The following LSAMP variants were observed in gnomAD, a reference collection of about 807,000 sequenced individuals.
LSAMP encodes limbic system associated membrane protein.
Under a neutral mutation model 38.6 loss-of-function variants are expected in LSAMP, and 7 were observed. That is an observed-to-expected ratio of 0.18 (90% CI 0.10 to 0.34). LSAMP has a LOEUF of 0.34. Among genes scored for constraint, LSAMP ranks in the 10% least tolerant of loss-of-function variants. The probability of loss-of-function intolerance (pLI) is 1.00; values close to 1 mark genes in which losing one functional copy is unlikely to be tolerated. For synonymous variants in LSAMP, 154 were observed against 166.8 expected (o/e 0.92, Z 0.59); for missense variants, 313 against 420.0 (o/e 0.75, Z 2.23).
intron 3 of LSAMP, among the ~76,000 whole-genome samples, chr3:115,964,952 T>A (rs535061949): frequency 1.6e-4 from 24 of 152,248 alleles, no homozygotes; most frequent in Middle Eastern, 6.8e-3. Context: ...TATTAAGATA[T>A]CAGTTATTCT....
At chr3:116,088,031 T>A (rs1708031556) in intron 1 of LSAMP, among the ~76,000 whole-genome samples, 1 of 151,392 alleles carries the variant, frequency 6.6e-6, no homozygotes, top group African/African-American at 2.4e-5. Flanking sequence ...GTAGCTAGGA[T>A]GATAGGTGCA....
intron 1 of LSAMP, among the ~76,000 whole-genome samples, chr3:116,199,010 G>C (rs2045952147): frequency 6.6e-6 from 1 of 152,074 alleles, no homozygotes; most frequent in African/African-American, 2.4e-5. Context: ...CTTGAGCCTG[G>C]GAGGTCCAGG....
chr3:116,406,371 G>A (rs891327776), intron 1 of LSAMP, among the ~76,000 whole-genome samples: 2 of 151,976 alleles, frequency 1.3e-5, no homozygotes, highest in Admixed American at 6.6e-5. Context: ...AATAAGCAGC[G>A]TTAAAGCTTT....
chr3:116,197,880 TA>T (rs2045924278), intron 1 of LSAMP, among the ~76,000 whole-genome samples: 2 of 152,242 alleles, frequency 1.3e-5, no homozygotes, highest in African/African-American at 4.8e-5. Flanking sequence ...TAGTATTGTT[TA>T]TATAGATATT....
At chr3:115,839,331 T>G (rs1260822640) in intron 6 of LSAMP, among the ~76,000 whole-genome samples, 10 of 148,076 alleles carry the variant, frequency 6.8e-5, no homozygotes, top group Non-Finnish European at 1.5e-5. Flanking sequence ...TTTTCCTTGC[T>G]TTTATCTCCC....
At chr3:116,098,661 C>T (rs1313828546) in intron 1 of LSAMP, among the ~76,000 whole-genome samples, 1 of 152,120 alleles carries the variant, frequency 6.6e-6, no homozygotes, top group Non-Finnish European at 1.5e-5. Context: ...TTATTTTCTT[C>T]AGCTTTGTCT....
At chr3:116,074,767 T>C (rs1051554023) in intron 2 of LSAMP, among the ~76,000 whole-genome samples, 1 of 152,180 alleles carries the variant, frequency 6.6e-6, no homozygotes, top group Admixed American at 6.6e-5. Flanking sequence ...TAATTTTCCA[T>C]GTTTGCCATT....
At chr3:116,197,742 A>T (rs1049288051) in intron 1 of LSAMP, among the ~76,000 whole-genome samples, 4 of 152,132 alleles carry the variant, frequency 2.6e-5, no homozygotes, top group Non-Finnish European at 5.9e-5. Context: ...CCGTATTTTT[A>T]TTTTACAGAT....
intron 3 of LSAMP, among the ~76,000 whole-genome samples, chr3:115,978,349 T>C (rs1939251443): frequency 6.6e-6 from 1 of 152,056 alleles, no homozygotes; most frequent in African/African-American, 2.4e-5. Context: ...AGGGCAGACA[T>C]GATAATCCTC....
intron 1 of LSAMP, among the ~76,000 whole-genome samples, chr3:116,293,485 GA>G (rs755317584): frequency 6.6e-6 from 1 of 152,106 alleles, no homozygotes; most frequent in Non-Finnish European, 1.5e-5. Flanking sequence ...TGGGGGTTAA[GA>G]AATACTGTAT....
intron 1 of LSAMP, among the ~76,000 whole-genome samples, chr3:116,337,667 G>A (rs2047938787): frequency 6.6e-6 from 1 of 151,930 alleles, no homozygotes; most frequent in African/African-American, 2.4e-5. Context: ...GACCCTCTTA[G>A]TGCCCCTGGG....
At chr3:116,066,247 G>A (rs1707425750) in intron 2 of LSAMP, among the ~76,000 whole-genome samples, 1 of 152,152 alleles carries the variant, frequency 6.6e-6, no homozygotes, top group Non-Finnish European at 1.5e-5. Context: ...ATAAGTGAGG[G>A]TCGAGCCTAA....
intron 3 of LSAMP, among the ~76,000 whole-genome samples, chr3:115,976,685 A>G (rs899729289): frequency 1.1e-4 from 16 of 152,108 alleles, no homozygotes; most frequent in Admixed American, 4.6e-4. Flanking sequence ...GTGAGAGGTG[A>G]TTGGATCATG....
At chr3:116,097,666 C>T (rs545559203) in intron 1 of LSAMP, among the ~76,000 whole-genome samples, 2 of 152,238 alleles carry the variant, frequency 1.3e-5, no homozygotes, top group East Asian at 3.9e-4. Context: ...TCTGGTTTGC[C>T]TTCCCTGGTA....
intron 1 of LSAMP, among the ~76,000 whole-genome samples, chr3:116,438,353 A>C (rs1316824319): frequency 2.0e-5 from 3 of 152,310 alleles, no homozygotes; most frequent in Non-Finnish European, 4.4e-5. Flanking sequence ...TTTGATCATA[A>C]AAATAGCTTG....
At chr3:115,913,904 T>TA (rs1937188835) in intron 3 of LSAMP, among the ~76,000 whole-genome samples, 1 of 152,146 alleles carries the variant, frequency 6.6e-6, no homozygotes, top group South Asian at 2.1e-4. Flanking sequence ...ACGAATCATG[T>TA]ATTAAACCCT....
rs180793977 is a variant in LSAMP, at chr3:116,422,616, A to T, written c.155+22261T>A. ...AAATGGGGACTGACTAAAGGTGGGC[A>T]TGAAAAAAATTTTGGGAATGATGAA... On this transcript the variant is annotated intron_variant, in intron 1 of 6. Coordinates refer to ENST00000490035, the MANE Select transcript of LSAMP (RefSeq NM_002338.5). Among the ~76,000 whole-genome samples the T allele has an allele frequency of 6.0e-4, 92 of 152,318 alleles. 1 individual carries two copies. The highest frequency in any genetic ancestry group is 2.0e-3 in the African/African-American group (84 of 41,584).
intron 3 of LSAMP, among the ~76,000 whole-genome samples, chr3:115,975,976 C>G (rs1241930189): frequency 6.6e-6 from 1 of 152,176 alleles, no homozygotes; most frequent in Non-Finnish European, 1.5e-5. Flanking sequence ...GGGAACTTTA[C>G]TTTTCTCAGC....
chr3:116,191,711 T>G (rs1464104597), intron 1 of LSAMP, among the ~76,000 whole-genome samples: 1 of 151,900 alleles, frequency 6.6e-6, no homozygotes, highest in Non-Finnish European at 1.5e-5. Flanking sequence ...TTCTCAACAT[T>G]CCTGCATGGT....
Sources: allele counts gnomAD v4.1 joint callset (sites outside exome capture counted in the v4.1 genomes callset), GRCh38; gene constraint gnomAD v4.1.1; transcripts MANE v1.5; gene names NCBI Gene and HGNC (gene_info 2026-07-23, HGNC 2026-07-21).